The following TDRD9 variants were observed in gnomAD, a reference collection of about 807,000 sequenced individuals.
TDRD9 encodes the protein ATP-dependent RNA helicase TDRD9.
In TDRD9, 124 loss-of-function variants were observed where a neutral mutation model predicts 172.6. The ratio of observed to expected loss-of-function variants is 0.72; its 90% CI spans 0.62 to 0.83. The LOEUF (loss-of-function observed/expected upper bound fraction) is 0.83. Among genes scored for constraint, TDRD9 ranks in the 40% least tolerant of loss-of-function variants. TDRD9 has a pLI of 0.00. For synonymous variants in TDRD9, 619 were observed against 617.1 expected (o/e 1.00, Z -0.05); for missense variants, 1,479 against 1,714.1 (o/e 0.86, Z 2.42).
intron 7 of TDRD9, among the ~76,000 whole-genome samples, chr14:103,981,766 G>A (rs973488456): frequency 2.6e-5 from 4 of 152,186 alleles, no homozygotes; most frequent in African/African-American, 9.7e-5. Flanking sequence ...AATATCTTAT[G>A]TAACTTATTG....
intron 1 of TDRD9, among the ~76,000 whole-genome samples, chr14:103,940,270 T>C (rs1235042333): frequency 6.6e-6 from 1 of 152,190 alleles, no homozygotes; most frequent in Non-Finnish European, 1.5e-5. Context: ...AAAAGTACTG[T>C]GATTAAAACC....
chr14:103,929,467 G>A (rs2030219811), intron 1 of TDRD9, among the ~76,000 whole-genome samples: 1 of 152,012 alleles, frequency 6.6e-6, no homozygotes, highest in Admixed American at 6.6e-5. Flanking sequence ...CTGTCTGGAT[G>A]TACCACAGTT....
At position 103,970,550 on chromosome 14, in the gene TDRD9, C is replaced by T. The variant is rs776156806; in HGVS notation, c.775C>T (p.Arg259Ter). ...THIIIDEVHERTEEMDFLLLV... is the reference protein window; with the variant it reads ...THIIIDEVHE Reference sequence around the variant, plus strand: ...CTTTTTTATTTTGTAGGTACACGAACGAACAGAAGAAATGGATTTCCTGCT... The same window carrying T: ...CTTTTTTATTTTGTAGGTACACGAATGAACAGAAGAAATGGATTTCCTGCT... The change falls in exon 6 of 36, where the codon CGA becomes TGA. Residue 259 changes from arginine (R) to a stop codon, truncating the protein, a stop_gained. Coordinates refer to ENST00000409874, the MANE Select transcript of TDRD9 (RefSeq NM_153046.3). LOFTEE classifies it high-confidence loss of function. 7.3e-5 allele frequency: 113 copies of T among 1,551,336 alleles called. No individual in the cohort carries two copies. Among genetic ancestry groups the T allele is most frequent in the Non-Finnish European group, 9.4e-5 (108 of 1,146,802 alleles).
chr14:104,034,911 T>G, intron 31 of TDRD9, 49 bp from the exon 32 acceptor site: 2 of 1,417,642 alleles, frequency 1.4e-6, no homozygotes, highest in Non-Finnish European at 1.9e-6. Context: ...AACGCTGCCC[T>G]GAGCAGCGTG....
At chr14:103,944,080 A>C (rs989450739) in intron 1 of TDRD9, among the ~76,000 whole-genome samples, 13 of 152,200 alleles carry the variant, frequency 8.5e-5, no homozygotes, top group African/African-American at 2.7e-4. Flanking sequence ...TTACTGCATA[A>C]ATTTTTTTCC....
chr14:103,940,758 A>G (rs1189617014), intron 1 of TDRD9: 3 of 1,260,270 alleles, frequency 2.4e-6, no homozygotes, highest in South Asian at 2.8e-5. Flanking sequence ...TATTCTTAAT[A>G]TTAGGAGTTC....
rs913284083 is a variant in TDRD9, at chr14:103,940,738, C to A, written c.215+12014C>A. 4.6e-6 allele frequency: 5 copies of A among 1,078,278 alleles called. No individual in the cohort carries two copies. The African/African-American group carries it at 7.9e-5, about 17-fold the overall frequency. The allele number at this position is 1,078,278 out of a possible 1,614,324, so 66.8% of individuals were successfully genotyped here. On this transcript the variant is annotated intron_variant, in intron 1 of 35. Transcript: ENST00000409874. ...AACAAAGAAAAACTTGAAGTCACAT[C>A]ACTTTTTCTTATTCTTAATATTAGG...
chr14:103,968,699 G>A (rs2032865665), intron 5 of TDRD9, among the ~76,000 whole-genome samples: 1 of 144,392 alleles, frequency 6.9e-6, no homozygotes, highest in African/African-American at 2.6e-5. Context: ...AGGAGGCTGA[G>A]GCAGGAGAAT....
intron 20 of TDRD9, 72 bp from the exon 21 acceptor site, chr14:104,014,653 T>C: frequency 1.2e-6 from 1 of 814,414 alleles, no homozygotes; most frequent in Non-Finnish European, 2.1e-6. Context: ...TGTGCACTTA[T>C]TTTCTAGTGT....
At chr14:103,943,540 A>T (rs1308661550) in intron 1 of TDRD9, among the ~76,000 whole-genome samples, 1 of 146,866 alleles carries the variant, frequency 6.8e-6, no homozygotes, top group Non-Finnish European at 1.5e-5. Flanking sequence ...TTGTAGAAAT[A>T]AGGTCTCCCT....
At chr14:103,954,103 A>G (rs2032079289) in intron 1 of TDRD9, among the ~76,000 whole-genome samples, 1 of 152,252 alleles carries the variant, frequency 6.6e-6, no homozygotes, top group South Asian at 2.1e-4. Flanking sequence ...AGGAAAACAT[A>G]GTTGATAGCA....
intron 7 of TDRD9, among the ~76,000 whole-genome samples, chr14:103,981,553 C>A (rs2033474777): frequency 6.6e-6 from 1 of 152,162 alleles, no homozygotes; most frequent in Non-Finnish European, 1.5e-5. Flanking sequence ...AATGAATATG[C>A]AACACTTAGC....
At chr14:103,937,193 A>C (rs1005088433) in intron 1 of TDRD9, among the ~76,000 whole-genome samples, 11 of 152,128 alleles carry the variant, frequency 7.2e-5, no homozygotes, top group Admixed American at 2.6e-4. Flanking sequence ...GTTAGGATAA[A>C]ATTTCATCTG....
At position 104,034,954 on chromosome 14, in the gene TDRD9, G is replaced by A; in HGVS notation, c.3620-6G>A. 1.3e-6 allele frequency: 2 copies of A among 1,550,552 alleles called. No individual in the cohort carries two copies. Among genetic ancestry groups the A allele is most frequent in the Non-Finnish European group, 1.7e-6 (2 of 1,146,114 alleles). On this transcript the variant is annotated splice_polypyrimidine_tract_variant and splice_region_variant and intron_variant, in intron 31 of 35. Coordinates refer to ENST00000409874, the MANE Select transcript of TDRD9 (RefSeq NM_153046.3). ...GCCCGATGTTGATTTAGCATGACTTGAACAGGATCTACGATGCTGCTGAGA... is the reference window on the plus strand; with the variant it reads ...GCCCGATGTTGATTTAGCATGACTTAAACAGGATCTACGATGCTGCTGAGA...
chr14:103,987,117 A>AAAAT (rs2033690218), intron 8 of TDRD9, among the ~76,000 whole-genome samples: 1 of 134,766 alleles, frequency 7.4e-6, no homozygotes, highest in Non-Finnish European at 1.6e-5. Context: ...CATCTCAAAA[A>AAAAT]ATATATACAC....
intron 2 of TDRD9, 61 bp downstream of exon 2, chr14:103,955,831 T>C (rs2032166432): frequency 7.2e-7 from 1 of 1,398,022 alleles, no homozygotes; most frequent in Non-Finnish European, 9.9e-7. Flanking sequence ...TGCTAAAATA[T>C]TAGGTTCATA....
At chr14:104,051,120 C>T (rs535594343) in intron 35 of TDRD9, among the ~76,000 whole-genome samples, 1 of 152,254 alleles carries the variant, frequency 6.6e-6, no homozygotes, top group Admixed American at 6.5e-5. Context: ...TTGCCTCCCT[C>T]CCCCATCTAG....
chr14:103,975,262 TG>T, intron 6 of TDRD9, 126 bp from the exon 7 acceptor site: 1 of 709,542 alleles, frequency 1.4e-6, no homozygotes, highest in Non-Finnish European at 2.2e-6. Context: ...TAAATCAGGG[TG>T]GTCTGTTTAA....
intron 32 of TDRD9, among the ~76,000 whole-genome samples, chr14:104,035,579 C>G (rs2035427000): frequency 1.3e-5 from 2 of 152,232 alleles, no homozygotes; most frequent in Admixed American, 1.3e-4. Context: ...CTCTTAAAGG[C>G]ACCCTCACAG....
Sources: gnomAD v4.1 joint callset for allele counts (sites outside exome capture counted in the v4.1 genomes callset) on GRCh38, gnomAD v4.1.1 for gene constraint, MANE v1.5 for transcripts, NCBI Gene and HGNC (gene_info 2026-07-23, HGNC 2026-07-21) for gene names.